Variants in CASK observed in about 807,000 individuals in gnomAD.
CASK encodes the protein peripheral plasma membrane protein CASK.
In CASK, 4 loss-of-function variants were observed where a neutral mutation model predicts 82.9. That is an observed-to-expected ratio of 0.05 (90% CI 0.02 to 0.11). The LOEUF (loss-of-function observed/expected upper bound fraction) is 0.11, where lower values mean the gene tolerates loss of function less well. Among genes scored for constraint, CASK ranks in the 10% least tolerant of loss-of-function variants. The probability of loss-of-function intolerance (pLI) is 1.00; values close to 1 mark genes in which losing one functional copy is unlikely to be tolerated. For missense variants in CASK, 358 were observed against 720.9 expected, an observed-to-expected ratio of 0.50 and a Z score of 5.76; for synonymous variants, 259 against 253.5, an observed-to-expected ratio of 1.02 and a Z score of -0.20.
rs773611672 is a variant in CASK, at chrX:41,626,629, A to T, written c.990T>A (p.Asp330Glu). The T allele has an allele frequency of 8.3e-7, 1 of 1,201,637 alleles. No homozygotes were observed. Among genetic ancestry groups the T allele is most frequent in the South Asian group, 1.8e-5 (1 of 56,736 alleles). ...CTGAGGAGGTAGGGTCTTCGGAGAA[A>T]TCTGGTAACTCTTCAGGGGGATCCC... The part of the protein sequence containing the change: ...FYGDPPEELP[D>E]FSEDPTSSGL... Residue 330 changes from aspartate (D) to glutamate (E), a missense_variant, in exon 10 of 27, where the codon GAT (aspartate) becomes GAA (glutamate). Physicochemically the swap from Asp to Glu is conservative, Grantham distance 45. This residue lies in a region of CASK where 110 missense variants were observed against 218.8 expected (regional missense o/e 0.50). Transcript: ENST00000378163.
At position 41,516,854 on chromosome X, in the gene CASK, C is replaced by CT. The variant is rs2064557829; in HGVS notation, c.*3565dup. On this transcript the variant is annotated 3_prime_UTR_variant, in exon 27 of 27. Transcript: ENST00000378163. ...CTTTGCCCCAAGTTAAGAAACTGGC[C>CT]TGAAATGAAAAAAAAAAAGGACATG... is the stretch of plus-strand genomic sequence containing the variant. 9.1e-6 allele frequency: 1 copy of CT among 109,312 alleles called. No individual in the cohort carries two copies. Among genetic ancestry groups the CT allele is most frequent in the Non-Finnish European group, 1.9e-5 (1 of 52,546 alleles). 9.0% of individuals were successfully genotyped at this position (109,312 alleles called of 1,213,427 possible). A position where few individuals can be genotyped will look rare whatever the true frequency, so the allele number is the denominator to read the frequency against.
At chrX:41,563,040 C>CAAAAAAAAAAAAAAAA (rs141364032) in intron 16 of CASK, among the ~76,000 whole-genome samples, 4 of 22,195 alleles carry the variant, frequency 1.8e-4, no homozygotes, top group Admixed American at 8.9e-4. Flanking sequence ...GACTCCATCT[C>CAAAAAAAAAAAAAAAA]AAAAAAAAAA....
chrX:41,887,586 A>T (rs2072072964), intron 1 of CASK, among the ~76,000 whole-genome samples: 1 of 111,293 alleles, frequency 9.0e-6, no homozygotes, highest in Admixed American at 9.6e-5. Flanking sequence ...GAGTAACTGA[A>T]ATCAGGACCA....
At chrX:41,757,427 C>G (rs1302008944) in intron 3 of CASK, among the ~76,000 whole-genome samples, 1 of 111,908 alleles carries the variant, frequency 8.9e-6, no homozygotes, top group Non-Finnish European at 1.9e-5. Flanking sequence ...TATTCTAGCT[C>G]CTAACTGTTT....
intron 5 of CASK, among the ~76,000 whole-genome samples, chrX:41,717,919 T>C (rs2068090429): frequency 8.9e-6 from 1 of 112,307 alleles, no homozygotes; most frequent in African/African-American, 3.2e-5. Flanking sequence ...TTTTGTATGC[T>C]AATGAGGTGA....
At chrX:41,637,205 G>A (rs1375549603) in intron 8 of CASK, among the ~76,000 whole-genome samples, 4 of 108,230 alleles carry the variant, frequency 3.7e-5, no homozygotes, top group Non-Finnish European at 5.7e-5. Context: ...CTTCCGCCTC[G>A]GCCTCCCAGA....
intron 14 of CASK, among the ~76,000 whole-genome samples, chrX:41,579,066 T>G (rs1195142366): frequency 1.8e-5 from 2 of 111,918 alleles, no homozygotes; most frequent in Non-Finnish European, 3.8e-5. Context: ...CATCTATAAA[T>G]AGAGTTGGCA....
At chrX:41,810,498 A>C (rs1347135589) in intron 2 of CASK, among the ~76,000 whole-genome samples, 2 of 111,438 alleles carry the variant, frequency 1.8e-5, no homozygotes, top group African/African-American at 6.5e-5. Context: ...TTCATAAGTG[A>C]AAGAGAAATA....
chrX:41,833,917 T>G (rs2070878562), intron 2 of CASK, among the ~76,000 whole-genome samples: 1 of 110,583 alleles, frequency 9.0e-6, no homozygotes, highest in African/African-American at 3.3e-5. Context: ...CCCAGCTAAT[T>G]TTTTGTATTT....
At chrX:41,639,411 G>A (rs1315042795) in intron 8 of CASK, among the ~76,000 whole-genome samples, 5 of 95,515 alleles carry the variant, frequency 5.2e-5, no homozygotes, top group African/African-American at 1.5e-4. Context: ...TAGTTTTGCC[G>A]AGAATAGATT....
chrX:41,660,499 C>T lies in CASK; in HGVS notation c.771G>A (p.Leu257=), dbSNP rs1602424892. 2 of 1,208,406 alleles carry T rather than the reference C, an allele frequency of 1.7e-6. No homozygotes were observed. The highest frequency in any genetic ancestry group is 1.8e-5 in the South Asian group (1 of 56,918). Reference sequence around the variant, plus strand: ...TGATCCTTTCAGCTGGATCCAGCATCAGCATGCGACGTACTAGGTCTTTGG... The same window carrying T: ...TGATCCTTTCAGCTGGATCCAGCATTAGCATGCGACGTACTAGGTCTTTGG... ...ESAKDLVRRM[L]MLDPAERITV... is the part of the protein sequence containing the mutation. Residue 257 remains leucine, a synonymous_variant, in exon 8 of 27, where the codon CTG becomes CTA. Transcript: ENST00000378163.
chrX:41,624,996 T>A lies in CASK; in HGVS notation c.1015+1608A>T, dbSNP rs139434427. ...AAGCTGAGGCCAGAGGACACATGAT[T>A]CAGGAGTTAAGTAAATAAAAAATGC... is the stretch of plus-strand genomic sequence containing the variant. On this transcript the variant is annotated intron_variant, in intron 10 of 26. Coordinates refer to ENST00000378163, the MANE Select transcript of CASK (RefSeq NM_001367721.1). Among the ~76,000 whole-genome samples, 773 of 109,889 alleles carry A rather than the reference T, an allele frequency of 7.0e-3. 9 individuals are homozygous for A. Among genetic ancestry groups the A allele is most frequent in the African/African-American group, 0.024 (734 of 30,143 alleles).
chrX:41,586,022 C>G (rs754346535), intron 14 of CASK: 1 of 110,450 alleles, frequency 9.1e-6, no homozygotes, highest in Non-Finnish European at 1.9e-5. Flanking sequence ...TCGTGGTGCA[C>G]GCCTGCAATC....
intron 19 of CASK, 28 bp from the exon 20 acceptor site, chrX:41,555,663 A>G: frequency 1.7e-6 from 2 of 1,149,156 alleles, no homozygotes; most frequent in Non-Finnish European, 2.4e-6. Flanking sequence ...CCCAGGAGAA[A>G]AATTTTCATT....
intron 10 of CASK, chrX:41,624,285 G>C: frequency 2.8e-6 from 1 of 354,342 alleles, no homozygotes; most frequent in Non-Finnish European, 5.5e-6. Flanking sequence ...AGAAGCACTG[G>C]GGACCACACC....
At chrX:41,555,769 T>A (rs2065152744) in intron 19 of CASK, 134 bp from the exon 20 acceptor site, 1 of 494,915 alleles carries the variant, frequency 2.0e-6, no homozygotes, top group African/African-American at 2.4e-5. Flanking sequence ...TATACATTAT[T>A]CCATTTATCA....
At chrX:41,764,596 C>T (rs181068480) in intron 3 of CASK, among the ~76,000 whole-genome samples, 9 of 111,746 alleles carry the variant, frequency 8.1e-5, no homozygotes, top group East Asian at 2.8e-4. Context: ...AAGCCAGAGA[C>T]GGCAAGTCAG....
At chrX:41,776,955 T>C (rs1044571800) in intron 3 of CASK, among the ~76,000 whole-genome samples, 1 of 112,070 alleles carries the variant, frequency 8.9e-6, no homozygotes, top group African/African-American at 3.2e-5. Flanking sequence ...CTAAAATGTA[T>C]ATGAGAAATG....
intron 5 of CASK, among the ~76,000 whole-genome samples, chrX:41,718,626 A>T (rs2068105504): frequency 8.9e-6 from 1 of 112,415 alleles, no homozygotes. Flanking sequence ...GTTGAATGAG[A>T]GAATAGAAAA....
Sources: allele counts gnomAD v4.1 joint callset (sites outside exome capture counted in the v4.1 genomes callset), GRCh38; gene constraint gnomAD v4.1.1; regional missense constraint gnomAD v4.1.1; transcripts MANE v1.5; gene names NCBI Gene and HGNC (gene_info 2026-07-23, HGNC 2026-07-21).